Variants in SPECC1 observed in about 807,000 individuals in gnomAD.
SPECC1 encodes cytospin-B.
In SPECC1, 62 loss-of-function variants were observed where a neutral mutation model predicts 104.1. The ratio of observed to expected loss-of-function variants is 0.60; its 90% confidence interval spans 0.49 to 0.74. The LOEUF is 0.74. Among genes scored for constraint, SPECC1 ranks in the 30% least tolerant of loss-of-function variants. The probability of loss-of-function intolerance (pLI) is 0.00; values close to 1 mark genes in which losing one functional copy is unlikely to be tolerated. For synonymous variants in SPECC1, 513 were observed against 501.6 expected (o/e 1.02, Z -0.30); for missense variants, 1,306 against 1,310.5 (o/e 1.00, Z 0.05).
At chr17:20,037,644 C>A (rs1053287756) in intron 1 of SPECC1, among the ~76,000 whole-genome samples, 1 of 152,090 alleles carries the variant, frequency 6.6e-6, no homozygotes, top group African/African-American at 2.4e-5. Flanking sequence ...CTCAAAGATG[C>A]TATGTAGAGT....
At chr17:20,210,327 AG>A (rs373453448) in intron 4 of SPECC1, among the ~76,000 whole-genome samples, 43 of 152,256 alleles carry the variant, frequency 2.8e-4, no homozygotes, top group African/African-American at 9.9e-4. Flanking sequence ...CCCGGCCCCA[AG>A]GGTGGGAGAT....
intron 7 of SPECC1, chr17:20,238,218 G>A: frequency 9.6e-7 from 1 of 1,039,564 alleles, no homozygotes; most frequent in Non-Finnish European, 1.2e-6. Flanking sequence ...GGTGACAATG[G>A]CAATAGAAAT....
At chr17:20,196,076 T>A (rs1174758072) in intron 3 of SPECC1, among the ~76,000 whole-genome samples, 1 of 152,236 alleles carries the variant, frequency 6.6e-6, no homozygotes, top group African/African-American at 2.4e-5. Flanking sequence ...ATTAATTTTT[T>A]ACAAACCTTC....
At chr17:20,291,394 C>T (rs2041158422) in intron 12 of SPECC1, among the ~76,000 whole-genome samples, 1 of 152,188 alleles carries the variant, frequency 6.6e-6, no homozygotes, top group African/African-American at 2.4e-5. Context: ...GCGTTCTGGC[C>T]CTGACTCTGG....
intron 12 of SPECC1, among the ~76,000 whole-genome samples, chr17:20,284,082 T>C (rs562476517): frequency 3.1e-4 from 47 of 152,340 alleles, no homozygotes; most frequent in Non-Finnish European, 5.4e-4. Flanking sequence ...ATTTTTCTTT[T>C]TATAATGTTA....
chr17:20,011,156 T>G (rs1312171682), intron 1 of SPECC1, among the ~76,000 whole-genome samples: 1 of 152,224 alleles, frequency 6.6e-6, no homozygotes, highest in Non-Finnish European at 1.5e-5. Context: ...CTGATTAAAT[T>G]GGGAAACTTT....
intron 1 of SPECC1, among the ~76,000 whole-genome samples, chr17:20,023,718 T>C (rs913310048): frequency 2.6e-4 from 39 of 152,104 alleles, no homozygotes; most frequent in African/African-American, 9.2e-4. Flanking sequence ...AGAAAGACTC[T>C]GAATAAAAAA....
chr17:20,194,210 A>G lies in SPECC1; in HGVS notation c.284-10123A>G, dbSNP rs1013993988. Among the ~76,000 whole-genome samples, 5 of 152,280 alleles carry G rather than the reference A, an allele frequency of 3.3e-5. No individual in the cohort carries two copies. The South Asian group carries it at 6.2e-4, about 19-fold the overall frequency. On this transcript the variant is annotated intron_variant, in intron 3 of 14. Transcript: ENST00000395527. Reference sequence around the variant, plus strand: ...TAAGACTTTTTAAAAGCTGAGCCCCATCATGGGTTTGTACCCTCAAATACC... The same window carrying G: ...TAAGACTTTTTAAAAGCTGAGCCCCGTCATGGGTTTGTACCCTCAAATACC...
intron 7 of SPECC1, among the ~76,000 whole-genome samples, chr17:20,243,366 G>A (rs1485690764): frequency 6.6e-6 from 1 of 152,120 alleles, no homozygotes; most frequent in Non-Finnish European, 1.5e-5. Context: ...TGGAACAGAG[G>A]AAATGTAAGA....
chr17:20,050,005 TG>T (rs2045679556), intron 1 of SPECC1, among the ~76,000 whole-genome samples: 1 of 151,974 alleles, frequency 6.6e-6, no homozygotes, highest in African/African-American at 2.4e-5. Flanking sequence ...TTAGTAGAGA[TG>T]GGGTTTCTCC....
At position 20,205,142 on chromosome 17, in the gene SPECC1, G is replaced by C. The variant is rs367591049; in HGVS notation, c.1093G>C (p.Val365Leu). The stretch of plus-strand genomic sequence containing the variant: ...TACTGCTGGGAGTTCCCCAAACAGC[G>C]TAAGTGAATTGTCCCTGGCTTCCCT... ...CSTAGSSPNS[V>L]SELSLASLTE... Residue 365 changes from valine to leucine, a missense_variant, in exon 4 of 15, where the codon GTA becomes CTA. By Grantham distance (32) the Val-to-Leu change is conservative. Transcript: ENST00000395527. The C allele has an allele frequency of 1.5e-5, 24 of 1,613,964 alleles. No individual in the cohort carries two copies. In the Admixed American group the frequency reaches 3.7e-4, roughly 25 times the overall value.
chr17:20,184,706 G>A (rs1172252300), intron 3 of SPECC1, among the ~76,000 whole-genome samples: 2 of 152,192 alleles, frequency 1.3e-5, no homozygotes, highest in Non-Finnish European at 2.9e-5. Flanking sequence ...TACCGTAGAA[G>A]TTCTACATGA....
intron 3 of SPECC1, among the ~76,000 whole-genome samples, chr17:20,196,167 C>T (rs943270708): frequency 6.6e-6 from 1 of 152,198 alleles, no homozygotes; most frequent in African/African-American, 2.4e-5. Context: ...TATTCCCATG[C>T]CTTCTTATAA....
At chr17:20,309,073 G>A (rs886632183) in intron 14 of SPECC1, among the ~76,000 whole-genome samples, 4 of 152,156 alleles carry the variant, frequency 2.6e-5, no homozygotes, top group African/African-American at 9.7e-5. Context: ...TGGTCTGTGA[G>A]GAGCTGCTGA....
At chr17:20,048,346 T>G (rs1396914320) in intron 1 of SPECC1, among the ~76,000 whole-genome samples, 1 of 151,886 alleles carries the variant, frequency 6.6e-6, no homozygotes, top group African/African-American at 2.4e-5. Flanking sequence ...TGTTAGCCAG[T>G]ATGGTCTCAA....
chr17:20,176,278 A>G (rs2034466401), intron 3 of SPECC1, among the ~76,000 whole-genome samples: 1 of 152,126 alleles, frequency 6.6e-6, no homozygotes, highest in Non-Finnish European at 1.5e-5. Flanking sequence ...TGTTAGTTTC[A>G]AAAAATCTTA....
intron 1 of SPECC1, among the ~76,000 whole-genome samples, chr17:20,052,261 G>T (rs2045801022): frequency 6.6e-6 from 1 of 152,176 alleles, no homozygotes; most frequent in East Asian, 1.9e-4. Flanking sequence ...TAAAATGGGG[G>T]AACCGCAGGT....
intron 3 of SPECC1, among the ~76,000 whole-genome samples, chr17:20,184,327 A>G (rs2035118410): frequency 6.6e-6 from 1 of 152,192 alleles, no homozygotes; most frequent in African/African-American, 2.4e-5. Context: ...TTTATGTCAT[A>G]GTGCCTATGC....
chr17:20,221,687 G>C (rs1229639841), intron 4 of SPECC1, among the ~76,000 whole-genome samples: 1 of 151,282 alleles, frequency 6.6e-6, no homozygotes, highest in Non-Finnish European at 1.5e-5. Context: ...TCTCATTTTG[G>C]GTTTCATTTG....
Sources: allele counts gnomAD v4.1 joint callset (sites outside exome capture counted in the v4.1 genomes callset), GRCh38; gene constraint gnomAD v4.1.1; transcripts MANE v1.5; gene names NCBI Gene and HGNC (gene_info 2026-07-23, HGNC 2026-07-21).